Variants in SLC4A10 observed in about 807,000 individuals in gnomAD.
SLC4A10 encodes solute carrier family 4 member 10, also known as sodium-driven chloride bicarbonate exchanger.
A neutral mutation model predicts 137.7 loss-of-function variants in SLC4A10; 42 were observed. That is an observed-to-expected ratio of 0.30 (90% CI 0.24 to 0.39). The LOEUF is 0.39. Among genes scored for constraint, SLC4A10 ranks in the 10% least tolerant of loss-of-function variants. SLC4A10 has a pLI of 1.00. For synonymous variants in SLC4A10, 474 were observed against 464.1 expected (o/e 1.02, Z -0.27); for missense variants, 925 against 1,355.0 (o/e 0.68, Z 4.98).
At chr2:161,960,251 C>A (rs1474538063) in intron 21 of SLC4A10, among the ~76,000 whole-genome samples, 1 of 151,378 alleles carries the variant, frequency 6.6e-6, no homozygotes, top group East Asian at 1.9e-4. Context: ...GTAGTCCTAG[C>A]CACTTGGGAG....
intron 1 of SLC4A10, among the ~76,000 whole-genome samples, chr2:161,701,395 A>G (rs1182342600): frequency 6.6e-6 from 1 of 151,902 alleles, no homozygotes; most frequent in Admixed American, 6.6e-5. Flanking sequence ...CCAAAATTGC[A>G]TTTTTTCACT....
chr2:161,921,167 C>T (rs943764363), intron 15 of SLC4A10, among the ~76,000 whole-genome samples: 2 of 152,184 alleles, frequency 1.3e-5, no homozygotes, highest in Non-Finnish European at 2.9e-5. Flanking sequence ...CTTATCTCTC[C>T]ATTTCTGTTG....
At chr2:161,741,446 A>G (rs1274731585) in intron 1 of SLC4A10, among the ~76,000 whole-genome samples, 1 of 152,050 alleles carries the variant, frequency 6.6e-6, no homozygotes, top group Non-Finnish European at 1.5e-5. Flanking sequence ...ATCTTACATA[A>G]CTGCAAGTTT....
intron 1 of SLC4A10, among the ~76,000 whole-genome samples, chr2:161,639,394 T>C (rs2034954143): frequency 1.3e-5 from 2 of 151,940 alleles, no homozygotes; most frequent in Admixed American, 1.3e-4. Flanking sequence ...ATTAGCAAAC[T>C]GAACCCAGCA....
intron 2 of SLC4A10, among the ~76,000 whole-genome samples, chr2:161,793,801 A>G (rs1328104275): frequency 6.6e-6 from 1 of 152,144 alleles, no homozygotes; most frequent in Non-Finnish European, 1.5e-5. Context: ...TCTTAGGTAC[A>G]TTTGTAATAT....
chr2:161,765,816 A>T (rs2050745353), intron 1 of SLC4A10, among the ~76,000 whole-genome samples: 1 of 152,102 alleles, frequency 6.6e-6, no homozygotes, highest in Admixed American at 6.6e-5. Flanking sequence ...ATGAAAATTT[A>T]TCTTACTATG....
intron 3 of SLC4A10, among the ~76,000 whole-genome samples, chr2:161,832,994 T>C (rs2058535503): frequency 6.6e-6 from 1 of 152,152 alleles, no homozygotes; most frequent in African/African-American, 2.4e-5. Flanking sequence ...CCCGCCTCAG[T>C]CTCCCAAAGT....
intron 8 of SLC4A10, among the ~76,000 whole-genome samples, chr2:161,877,996 T>C (rs1053652910): frequency 1.3e-5 from 2 of 152,150 alleles, no homozygotes; most frequent in African/African-American, 4.8e-5. Flanking sequence ...TACTATCATC[T>C]TGATTTCAGA....
chr2:161,711,492 G>A (rs898052516), intron 1 of SLC4A10, among the ~76,000 whole-genome samples: 4 of 151,774 alleles, frequency 2.6e-5, no homozygotes, highest in African/African-American at 9.7e-5. Flanking sequence ...TATGGAAGTG[G>A]ACCTTAGCTG....
intron 17 of SLC4A10, among the ~76,000 whole-genome samples, chr2:161,948,101 T>C (rs773143420): frequency 2.6e-5 from 4 of 152,090 alleles, no homozygotes; most frequent in Non-Finnish European, 5.9e-5. Flanking sequence ...CCGGCAAGAC[T>C]CATTGGAACA....
intron 1 of SLC4A10, among the ~76,000 whole-genome samples, chr2:161,685,451 C>A (rs1005869801): frequency 6.6e-6 from 1 of 151,768 alleles, no homozygotes; most frequent in Non-Finnish European, 1.5e-5. Context: ...ACTAAAAATA[C>A]AAAAAAATTA....
intron 3 of SLC4A10, among the ~76,000 whole-genome samples, chr2:161,823,725 A>G (rs2057811822): frequency 6.6e-6 from 1 of 152,206 alleles, no homozygotes; most frequent in Non-Finnish European, 1.5e-5. Flanking sequence ...CTGTAAGTGT[A>G]TTTTCTTTCA....
intron 3 of SLC4A10, among the ~76,000 whole-genome samples, chr2:161,822,552 T>C (rs1271606755): frequency 6.6e-6 from 1 of 152,208 alleles, no homozygotes; most frequent in Non-Finnish European, 1.5e-5. Flanking sequence ...GTCTGAGAGA[T>C]AACAGGCTAA....
chr2:161,678,137 G>C (rs1435776569), intron 1 of SLC4A10, among the ~76,000 whole-genome samples: 1 of 151,976 alleles, frequency 6.6e-6, no homozygotes. Context: ...CTTCCTTTAG[G>C]CCCAAATGAA....
intron 1 of SLC4A10, among the ~76,000 whole-genome samples, chr2:161,670,114 T>A (rs1261557182): frequency 6.6e-6 from 1 of 152,146 alleles, no homozygotes; most frequent in Non-Finnish European, 1.5e-5. Context: ...TGTCAAGTGC[T>A]TATAATGGTG....
intron 15 of SLC4A10, among the ~76,000 whole-genome samples, chr2:161,924,701 G>A (rs912997856): frequency 1.3e-5 from 2 of 152,112 alleles, no homozygotes; most frequent in Admixed American, 6.6e-5. Flanking sequence ...TTCAAAAAAT[G>A]TCTCTCCTAT....
At chr2:161,827,145 C>A (rs1181410103) in intron 3 of SLC4A10, among the ~76,000 whole-genome samples, 2 of 152,088 alleles carry the variant, frequency 1.3e-5, no homozygotes, top group Non-Finnish European at 1.5e-5. Context: ...ACTTATTTTC[C>A]TTCTGCCAAA....
intron 1 of SLC4A10, among the ~76,000 whole-genome samples, chr2:161,681,532 T>C (rs1467022372): frequency 6.6e-6 from 1 of 152,166 alleles, no homozygotes; most frequent in Non-Finnish European, 1.5e-5. Flanking sequence ...GGATAACTTT[T>C]CTTAGGTCAA....
At chr2:161,896,736 A>C (rs2063547975) in intron 11 of SLC4A10, among the ~76,000 whole-genome samples, 3 of 152,100 alleles carry the variant, frequency 2.0e-5, no homozygotes, top group African/African-American at 7.2e-5. Flanking sequence ...GATAGCCTCT[A>C]AGGCAGAAGG....
Sources: gnomAD v4.1 joint callset for allele counts (sites outside exome capture counted in the v4.1 genomes callset) on GRCh38, gnomAD v4.1.1 for gene constraint, MANE v1.5 for transcripts, NCBI Gene and HGNC (gene_info 2026-07-23, HGNC 2026-07-21) for gene names.